The following CEP128 variants were observed in gnomAD, a reference collection of about 807,000 sequenced individuals.
The protein encoded by CEP128 is centrosomal protein 128kDa.
CEP128 carries 132 observed loss-of-function variants against 156.7 expected under a neutral mutation model. The observed-to-expected ratio is 0.84, with a 90% CI of 0.73 to 0.97. The LOEUF (loss-of-function observed/expected upper bound fraction) is 0.97. Ranked by LOEUF, CEP128 falls within the 50% of genes least tolerant of loss-of-function variation. CEP128 has a pLI of 0.00. For missense variants in CEP128, 1,252 were observed against 1,281.9 expected, an observed-to-expected ratio of 0.98 and a Z score of 0.36; for synonymous variants, 469 against 448.9, an observed-to-expected ratio of 1.04 and a Z score of -0.57.
chr14:80,936,754 A>G (rs1413857898), intron 2 of CEP128, among the ~76,000 whole-genome samples: 1 of 152,362 alleles, frequency 6.6e-6, no homozygotes. Flanking sequence ...GACAATTCAC[A>G]GAAATCAAAT....
downstream of CEP128, among the ~76,000 whole-genome samples, chr14:80,487,687 C>T (rs1249759884): frequency 6.6e-6 from 1 of 152,214 alleles, no homozygotes; most frequent in Non-Finnish European, 1.5e-5. Context: ...TCTCAGACCA[C>T]AGTGCAATCA....
At chr14:80,694,992 T>G (rs1020632673) in intron 19 of CEP128, among the ~76,000 whole-genome samples, 2 of 151,544 alleles carry the variant, frequency 1.3e-5, no homozygotes, top group African/African-American at 4.9e-5. Flanking sequence ...TAACCATAAA[T>G]AAGAATAGTT....
intron 19 of CEP128, among the ~76,000 whole-genome samples, chr14:80,691,924 T>C (rs956750371): frequency 3.9e-5 from 6 of 152,206 alleles, no homozygotes; most frequent in African/African-American, 1.4e-4. Context: ...TACAAAGATA[T>C]TTTGATAGGA....
intron 1 of CEP128, among the ~76,000 whole-genome samples, chr14:80,939,972 C>T (rs1295404402): frequency 6.6e-6 from 1 of 152,202 alleles, no homozygotes; most frequent in African/African-American, 2.4e-5. Context: ...CCCAGTTCTT[C>T]CCATACTCAG....
intron 16 of CEP128, among the ~76,000 whole-genome samples, chr14:80,766,035 A>G (rs994095721): frequency 9.2e-5 from 14 of 152,194 alleles, no homozygotes; most frequent in African/African-American, 3.1e-4. Flanking sequence ...AAATGAAAAT[A>G]TATGACATAT....
At chr14:80,684,534 C>G (rs1168857639) in intron 19 of CEP128, among the ~76,000 whole-genome samples, 3 of 151,984 alleles carry the variant, frequency 2.0e-5, no homozygotes, top group Non-Finnish European at 4.4e-5. Context: ...GAGCTGGTAC[C>G]AGTTCTACTA....
intron 19 of CEP128, among the ~76,000 whole-genome samples, chr14:80,707,848 A>C (rs1222999645): frequency 6.6e-6 from 1 of 152,182 alleles, no homozygotes; most frequent in African/African-American, 2.4e-5. Context: ...TTTTGTCATT[A>C]AGGTATAACC....
In CEP128 at chr14:80,787,369, C is replaced by T. The variant is rs866045708; in HGVS notation, c.1561-1824G>A. Among the ~76,000 whole-genome samples the T allele has an allele frequency of 4.3e-4, 65 of 152,204 alleles. 1 individual carries two copies. The Middle Eastern group carries it at 0.014, about 32-fold the overall frequency. ...TCTAGAAGCCAACCTTGTTCCTTGG[C>T]TCATGGACTCTGCCATCTTCAAAGC... On this transcript the variant is annotated intron_variant, in intron 14 of 24. Transcript: ENST00000555265.
intron 16 of CEP128, among the ~76,000 whole-genome samples, chr14:80,764,822 C>T (rs1566901745): frequency 1.3e-5 from 2 of 152,192 alleles, no homozygotes; most frequent in Non-Finnish European, 2.9e-5. Context: ...ATCCTTCACC[C>T]CCACTAAGGC....
intron 20 of CEP128, among the ~76,000 whole-genome samples, chr14:80,577,241 A>G (rs1891398301): frequency 6.6e-6 from 1 of 152,102 alleles, no homozygotes; most frequent in African/African-American, 2.4e-5. Flanking sequence ...GGGAATTCAC[A>G]TTCGCTATAT....
chr14:80,609,745 G>A lies in CEP128; in HGVS notation c.2807-29322C>T, dbSNP rs191026297. ...CTCCATCTTTTGGAGAAATCAGTCC[G>A]TTTGGAAAGAATGCAATAAGAAGGA... On this transcript the variant is annotated intron_variant, in intron 19 of 24. Transcript: ENST00000555265. Among the ~76,000 whole-genome samples the A allele has an allele frequency of 1.8e-4, 28 of 151,976 alleles. 1 individual carries two copies. Among genetic ancestry groups the A allele is most frequent in the East Asian group, 1.7e-3 (9 of 5,178 alleles).
intron 23 of CEP128, among the ~76,000 whole-genome samples, chr14:80,511,462 T>G (rs768729116): frequency 2.6e-5 from 4 of 152,028 alleles, no homozygotes; most frequent in Non-Finnish European, 5.9e-5. Flanking sequence ...TCCATTTTCC[T>G]CTCAGATTTT....
intron 18 of CEP128, among the ~76,000 whole-genome samples, chr14:80,743,656 A>G (rs1275899559): frequency 6.6e-6 from 1 of 152,172 alleles, no homozygotes; most frequent in African/African-American, 2.4e-5. Context: ...TCCTTCAGAG[A>G]ATTTTTTAAA....
chr14:80,840,642 A>G lies in CEP128; in HGVS notation c.849+40T>C, dbSNP rs765059334. The G allele has an allele frequency of 1.0e-5, 14 of 1,353,478 alleles. No homozygotes were observed. In the East Asian group the frequency reaches 2.1e-4, roughly 20 times the overall value. The allele number at this position is 1,353,478 out of a possible 1,614,324, so 83.8% of individuals were successfully genotyped here. On this transcript the variant is annotated intron_variant, in intron 10 of 24. Coordinates refer to ENST00000555265, the MANE Select transcript of CEP128 (RefSeq NM_152446.5). ...CACTCAACAAATACCATTGGCCCCAAACCACTTTATTCTTTGAAAGATAAC... is the reference window on the plus strand; with the variant it reads ...CACTCAACAAATACCATTGGCCCCAGACCACTTTATTCTTTGAAAGATAAC...
At chr14:80,640,018 C>T (rs1228246334) in intron 19 of CEP128, among the ~76,000 whole-genome samples, 2 of 152,074 alleles carry the variant, frequency 1.3e-5, no homozygotes, top group Non-Finnish European at 2.9e-5. Context: ...AATAACAAAG[C>T]ATTGTCTCAA....
chr14:80,945,995 A>G (rs1451165515), upstream of CEP128, among the ~76,000 whole-genome samples: 1 of 152,216 alleles, frequency 6.6e-6, no homozygotes, highest in African/African-American at 2.4e-5. Context: ...CTTGGATTCA[A>G]GTCCGTTATA....
intron 16 of CEP128, among the ~76,000 whole-genome samples, chr14:80,768,043 C>T (rs557000541): frequency 6.6e-6 from 1 of 152,228 alleles, no homozygotes; most frequent in East Asian, 1.9e-4. Context: ...CATAAATAAG[C>T]TTTTATGTTC....
chr14:80,806,263 T>C (rs1884171289), intron 13 of CEP128, among the ~76,000 whole-genome samples: 1 of 152,168 alleles, frequency 6.6e-6, no homozygotes, highest in African/African-American at 2.4e-5. Flanking sequence ...TAATAAAACA[T>C]GATACTAAAC....
At chr14:80,661,205 C>G (rs933503852) in intron 19 of CEP128, among the ~76,000 whole-genome samples, 1 of 152,084 alleles carries the variant, frequency 6.6e-6, no homozygotes, top group Non-Finnish European at 1.5e-5. Context: ...GTGCTCCCCC[C>G]CACAGAAAAA....
Sources: allele counts gnomAD v4.1 joint callset (sites outside exome capture counted in the v4.1 genomes callset), GRCh38; gene constraint gnomAD v4.1.1; transcripts MANE v1.5; gene names NCBI Gene and HGNC (gene_info 2026-07-23, HGNC 2026-07-21).